RIPK1: variants seen among roughly 807,000 people sequenced by gnomAD.
RIPK1 encodes receptor interacting serine/threonine kinase 1, also known as receptor-interacting serine/threonine-protein kinase 1.
In RIPK1, 27 loss-of-function variants were observed where a neutral mutation model predicts 62.4. The ratio of observed to expected loss-of-function variants is 0.43; its 90% CI spans 0.32 to 0.60. RIPK1 has a LOEUF of 0.60. Among genes scored for constraint, RIPK1 ranks in the 20% least tolerant of loss-of-function variants. RIPK1 has a pLI of 0.07. For missense variants in RIPK1, 735 were observed against 831.0 expected (o/e 0.88, Z 1.42); for synonymous variants, 287 against 303.2 (o/e 0.95, Z 0.55).
At chr6:3,069,884 C>T (rs1379545498) in intron 1 of RIPK1, among the ~76,000 whole-genome samples, 1 of 152,034 alleles carries the variant, frequency 6.6e-6, no homozygotes, top group African/African-American at 2.4e-5. Context: ...GGTGGCGGGT[C>T]CCTGTAATCC....
chr6:3,073,395 A>G (rs552019376), intron 1 of RIPK1, among the ~76,000 whole-genome samples: 31 of 152,212 alleles, frequency 2.0e-4, no homozygotes, highest in African/African-American at 7.5e-4. Flanking sequence ...AAACTGAGGC[A>G]TAAGTAAGTG....
rs542438802 is a variant in RIPK1 at position 3,107,457 on chromosome 6, T to TG, written c.1576+1409dup. ...GCGTGCGCCTGTAATCCCAGCTACT[T>TG]GGGAGGGTGAGGCAGGAGAATCACT... On this transcript the variant is annotated intron_variant, in intron 9 of 10. Coordinates refer to ENST00000259808, the MANE Select transcript of RIPK1 (RefSeq NM_001354930.2). Among the ~76,000 whole-genome samples, 324 of 133,058 alleles carry TG rather than the reference T, an allele frequency of 2.4e-3. 1 individual carries two copies. The highest frequency in any genetic ancestry group is 4.3e-3 in the Admixed American group (54 of 12,552). The allele number at this position is 133,058 out of a possible 152,430, so 87.3% of individuals were successfully genotyped here. A position where few individuals can be genotyped will look rare whatever the true frequency, so the allele number is the denominator to read the frequency against.
At chr6:3,086,232 G>C (rs1258229239) in intron 6 of RIPK1, among the ~76,000 whole-genome samples, 1 of 152,174 alleles carries the variant, frequency 6.6e-6, no homozygotes, top group Non-Finnish European at 1.5e-5. Context: ...TTAACTGTTG[G>C]GACTAATGCA....
In RIPK1 at chr6:3,113,335, A is replaced by T. The variant is rs1416480466; in HGVS notation, c.2012A>T (p.Asn671Ile). 1 of 1,613,148 alleles carries T rather than the reference A, an allele frequency of 6.2e-7. No homozygotes were observed. Among genetic ancestry groups the T allele is most frequent in the East Asian group, 2.2e-5 (1 of 44,880 alleles). Residue 671 changes from asparagine (N) to isoleucine (I), a missense_variant, in exon 11 of 11, where the codon AAC becomes ATC. Asn to Ile is a moderately radical substitution (Grantham distance 149). Transcript: ENST00000259808. This position sits in a 1 kb window ranked among gnomAD's most constrained non-coding sequence, Gnocchi z 5.0. ...AGCAGCTTGATTTACGTCAGCCAGA[A>T]CTAACCCTGGATGGGCTACGGCAGC... ...LLSSLIYVSQ[N>I]
intron 2 of RIPK1, among the ~76,000 whole-genome samples, 163 bp downstream of exon 2, chr6:3,077,150 T>C (rs561743399): frequency 1.6e-4 from 24 of 152,212 alleles, no homozygotes; most frequent in Admixed American, 1.5e-3. Context: ...TTGTCGCTGA[T>C]GTGGACTCTG....
At chr6:3,068,804 G>A in intron 1 of RIPK1, 143 bp downstream of exon 1, 1 of 334,576 alleles carries the variant, frequency 3.0e-6, no homozygotes, top group Non-Finnish European at 4.3e-6. Flanking sequence ...CCAACCCTCC[G>A]CCGCCGCTTC....
In RIPK1 at chr6:3,113,984, A is replaced by G. The variant is rs1228695651; in HGVS notation, c.*645A>G. 1 of 152,260 alleles carries G rather than the reference A, an allele frequency of 6.6e-6. No individual in the cohort carries two copies. The highest frequency in any genetic ancestry group is 6.5e-5 in the Admixed American group (1 of 15,282). The allele number at this position is 152,260 out of a possible 1,614,324, so 9.4% of individuals were successfully genotyped here. A position where few individuals can be genotyped will look rare whatever the true frequency, so the allele number is the denominator to read the frequency against. On this transcript the variant is annotated 3_prime_UTR_variant, in exon 11 of 11. Coordinates refer to ENST00000259808, the MANE Select transcript of RIPK1 (RefSeq NM_001354930.2). This position sits in a 1 kb window ranked among gnomAD's most constrained non-coding sequence, Gnocchi z 5.0. ...TACTCTGTCAGCCACTGTAGGCTCT[A>G]AGAACCACGTGCAGTCTTCAGCCCA...
intron 7 of RIPK1, among the ~76,000 whole-genome samples, chr6:3,094,428 T>C (rs1760174677): frequency 6.6e-6 from 1 of 152,158 alleles, no homozygotes; most frequent in Non-Finnish European, 1.5e-5. Context: ...TAACGAAATA[T>C]ACTTTTAAAT....
upstream of RIPK1, among the ~76,000 whole-genome samples, chr6:3,065,278 A>G (rs1417066482): frequency 5.4e-5 from 8 of 148,514 alleles, no homozygotes; most frequent in African/African-American, 1.3e-4. Context: ...AAAAAAAAAA[A>G]AAAAAAAAAA....
intron 3 of RIPK1, 59 bp from the exon 4 acceptor site, chr6:3,080,920 G>A: frequency 2.6e-6 from 4 of 1,550,032 alleles, no homozygotes; most frequent in Non-Finnish European, 3.5e-6. Context: ...TCATGAAACA[G>A]TTGCTTTGGC....
intron 1 of RIPK1, among the ~76,000 whole-genome samples, chr6:3,076,319 T>G (rs190682981): frequency 4.3e-4 from 66 of 152,256 alleles, no homozygotes; most frequent in Admixed American, 3.1e-3. Flanking sequence ...AAGTCTATCC[T>G]CAGAAATCCA....
chr6:3,074,036 T>C (rs1758921757), intron 1 of RIPK1, among the ~76,000 whole-genome samples: 1 of 152,248 alleles, frequency 6.6e-6, no homozygotes, highest in Non-Finnish European at 1.5e-5. Context: ...TAGCTAGAGT[T>C]CAATATGTTT....
chr6:3,104,563 G>A (rs1379519715), intron 8 of RIPK1, among the ~76,000 whole-genome samples: 1 of 152,166 alleles, frequency 6.6e-6, no homozygotes, highest in Non-Finnish European at 1.5e-5. Flanking sequence ...GGGGAGAAGT[G>A]ACAGTTCAGA....
At position 3,110,819 on chromosome 6, in the gene RIPK1, T is replaced by C. The variant is rs1185692009; in HGVS notation, c.1593T>C (p.Tyr531=). 3.8e-6 allele frequency: 6 copies of C among 1,578,288 alleles called. No individual in the cohort carries two copies. The highest frequency in any genetic ancestry group is 1.4e-5 in the African/African-American group (1 of 73,900). Residue 531 remains tyrosine, a synonymous_variant, in exon 10 of 11, where the codon TAT becomes TAC. Coordinates refer to ENST00000259808, the MANE Select transcript of RIPK1 (RefSeq NM_001354930.2). ...TCTATGCAGATGAATCTATAAAATA[T>C]ACCATATACAATAGTACTGGCATTC... ...SLPPTDESIK[Y]TIYNSTGIQI... is the part of the protein sequence containing the mutation.
intron 7 of RIPK1, 72 bp from the exon 8 acceptor site, chr6:3,104,153 T>G: frequency 1.5e-6 from 1 of 658,640 alleles, no homozygotes; most frequent in South Asian, 1.9e-5. Flanking sequence ...ATATGAATTC[T>G]TCTCGTTAAA....
At chr6:3,094,574 A>C (rs555570661) in intron 7 of RIPK1, among the ~76,000 whole-genome samples, 1 of 138,548 alleles carries the variant, frequency 7.2e-6, no homozygotes, top group African/African-American at 3.1e-5. Context: ...AAATAAATAA[A>C]TATTTCATAT....
chr6:3,074,916 G>A (rs1455578618), intron 1 of RIPK1, among the ~76,000 whole-genome samples: 1 of 152,124 alleles, frequency 6.6e-6, no homozygotes, highest in Non-Finnish European at 1.5e-5. Flanking sequence ...TCCTGACCTC[G>A]TGATCCGCCC....
chr6:3,075,098 A>G (rs539932203), intron 1 of RIPK1, among the ~76,000 whole-genome samples: 1 of 152,338 alleles, frequency 6.6e-6, no homozygotes, highest in South Asian at 2.1e-4. Context: ...GTTGGTTTGC[A>G]TGGAGTTTCT....
intron 1 of RIPK1, 86 bp downstream of exon 1, chr6:3,068,747 C>G (rs1243878820): frequency 1.2e-6 from 1 of 847,776 alleles, no homozygotes; most frequent in East Asian, 1.2e-4. Context: ...TTCGCGCGCC[C>G]TCCCCCAGCA....
Sources: gnomAD v4.1 joint callset for allele counts (sites outside exome capture counted in the v4.1 genomes callset) on GRCh38, gnomAD v4.1.1 for gene constraint, Gnocchi (gnomAD v3.1) non-coding constraint, MANE v1.5 for transcripts, NCBI Gene and HGNC (gene_info 2026-07-23, HGNC 2026-07-21) for gene names.